The following ALKAL1 variants were observed in gnomAD, a reference collection of about 807,000 sequenced individuals.
ALKAL1 encodes AUG-beta.
In ALKAL1, 23 loss-of-function variants were observed where a neutral mutation model predicts 13.5. That is an observed-to-expected ratio of 1.70 (90% CI 1.23 to 2.41). The LOEUF (loss-of-function observed/expected upper bound fraction) is 2.41, where lower values mean the gene tolerates loss of function less well. Ranked by LOEUF, ALKAL1 falls within the 30% of genes most tolerant of loss-of-function variation. The pLI is 0.00. For missense variants in ALKAL1, 181 were observed against 178.4 expected, an observed-to-expected ratio of 1.01 and a Z score of -0.08; for synonymous variants, 85 against 77.7, an observed-to-expected ratio of 1.09 and a Z score of -0.49.
chr8:52,559,837 A>G (rs1046887477), intron 1 of ALKAL1, among the ~76,000 whole-genome samples: 5 of 152,182 alleles, frequency 3.3e-5, no homozygotes, highest in African/African-American at 1.2e-4. Flanking sequence ...TTTTAATTCT[A>G]TATGTCCACA....
At chr8:52,545,735 A>G (rs1847362840) in intron 1 of ALKAL1, among the ~76,000 whole-genome samples, 1 of 152,252 alleles carries the variant, frequency 6.6e-6, no homozygotes, top group Admixed American at 6.5e-5. Flanking sequence ...TTGACAAAAT[A>G]AACTTTCTAA....
intron 1 of ALKAL1, among the ~76,000 whole-genome samples, chr8:52,555,631 A>G (rs1341627567): frequency 2.0e-5 from 3 of 152,118 alleles, no homozygotes; most frequent in East Asian, 1.9e-4. Context: ...CTGGGCCAAC[A>G]TTCCTCTGCC....
At chr8:52,538,911 T>TTATC in intron 3 of ALKAL1, among the ~76,000 whole-genome samples, 1 of 151,464 alleles carries the variant, frequency 6.6e-6, no homozygotes, top group Non-Finnish European at 1.5e-5. Context: ...ATTTATTTAC[T>TTATC]TATTTATTTA....
intron 1 of ALKAL1, among the ~76,000 whole-genome samples, chr8:52,551,326 G>T (rs577484504): frequency 1.3e-5 from 2 of 152,146 alleles, no homozygotes; most frequent in Admixed American, 1.3e-4. Context: ...ACAGAGTCTT[G>T]CCCTGTCACC....
intron 1 of ALKAL1, among the ~76,000 whole-genome samples, chr8:52,563,698 T>C (rs1847572425): frequency 6.6e-6 from 1 of 152,210 alleles, no homozygotes; most frequent in African/African-American, 2.4e-5. Flanking sequence ...ATGGCCGTGC[T>C]GCGGACACTG....
At chr8:52,550,726 C>A (rs527574980) in intron 1 of ALKAL1, among the ~76,000 whole-genome samples, 2 of 152,140 alleles carry the variant, frequency 1.3e-5, no homozygotes. Flanking sequence ...CCTTGGCATT[C>A]TTTGGCTTGT....
At chr8:52,561,935 G>A (rs562816040) in intron 1 of ALKAL1, among the ~76,000 whole-genome samples, 1 of 152,266 alleles carries the variant, frequency 6.6e-6, no homozygotes, top group African/African-American at 2.4e-5. Context: ...CCCTTACACT[G>A]CTGCCTCCCA....
chr8:52,546,313 T>C (rs1459669025), intron 1 of ALKAL1, among the ~76,000 whole-genome samples: 1 of 152,216 alleles, frequency 6.6e-6, no homozygotes, highest in African/African-American at 2.4e-5. Context: ...GGCTGCTTTT[T>C]CACTACAAGG....
intron 1 of ALKAL1, among the ~76,000 whole-genome samples, chr8:52,554,729 C>T (rs900344625): frequency 6.6e-6 from 1 of 152,064 alleles, no homozygotes; most frequent in African/African-American, 2.4e-5. Context: ...TACACAAACA[C>T]TTAAAGGCTG....
rs76153292 is a variant in ALKAL1, at chr8:52,547,014, G to A, written c.191-4569C>T. ...TTAAAATGGTGGGAGGCGCCAGGGA[G>A]CAGAATTCTGGGGTGGAGAGAAGAG... On this transcript the variant is annotated intron_variant, in intron 1 of 4. Transcript: ENST00000358543. Among the ~76,000 whole-genome samples, 843 of 152,308 alleles carry A rather than the reference G, an allele frequency of 5.5e-3. 7 individuals carry two copies. The highest frequency in any genetic ancestry group is 0.019 in the African/African-American group (809 of 41,568).
At chr8:52,560,668 A>G (rs1292552656) in intron 1 of ALKAL1, among the ~76,000 whole-genome samples, 5 of 152,226 alleles carry the variant, frequency 3.3e-5, no homozygotes, top group Non-Finnish European at 7.3e-5. Flanking sequence ...TTCCTCACTT[A>G]GCAGCTCGAT....
chr8:52,565,077 G>C lies in ALKAL1; in HGVS notation c.180C>G (p.Ser60=). 7.1e-7 allele frequency: 1 copy of C among 1,402,708 alleles called. No homozygotes were observed. Among genetic ancestry groups the C allele is most frequent in the Non-Finnish European group, 9.3e-7 (1 of 1,075,968 alleles). 86.9% of individuals were successfully genotyped at this position (1,402,708 alleles called of 1,614,324 possible). Residue 60 remains serine (S), a synonymous_variant, in exon 1 of 5, where the codon TCC becomes TCG. Coordinates refer to ENST00000358543, the MANE Select transcript of ALKAL1 (RefSeq NM_207413.4). ...AAGAGRTPSG[S]RSAEIFPRDS... ...ATGGGGACATCGTACCTGCGCTCCGGGAGCCGCTGGGAGTCCGGCCGGCCC... is the reference window on the plus strand; with the variant it reads ...ATGGGGACATCGTACCTGCGCTCCGCGAGCCGCTGGGAGTCCGGCCGGCCC...
chr8:52,538,732 A>G (rs1340559061), intron 3 of ALKAL1, among the ~76,000 whole-genome samples: 2 of 152,164 alleles, frequency 1.3e-5, no homozygotes, highest in Non-Finnish European at 2.9e-5. Context: ...TCAAAATGTT[A>G]ATTAATTACC....
chr8:52,563,234 C>T (rs980092891), intron 1 of ALKAL1, among the ~76,000 whole-genome samples: 1 of 152,128 alleles, frequency 6.6e-6, no homozygotes, highest in Non-Finnish European at 1.5e-5. Context: ...CCTAGCGCAA[C>T]ATGGTGAAAT....
At chr8:52,546,026 C>T (rs1394757895) in intron 1 of ALKAL1, among the ~76,000 whole-genome samples, 1 of 152,226 alleles carries the variant, frequency 6.6e-6, no homozygotes, top group Admixed American at 6.5e-5. Context: ...GTAGCTGTAA[C>T]ACCATGGTGA....
intron 1 of ALKAL1, among the ~76,000 whole-genome samples, chr8:52,544,967 G>T (rs1298949744): frequency 1.3e-5 from 2 of 152,104 alleles, no homozygotes. Flanking sequence ...CCAGGCTGGG[G>T]TGCAATGGTG....
rs112198119 is a variant in ALKAL1 at position 52,554,941 on chromosome 8, G to A, written c.190+10126C>T. ...AATCCCAGCACTTTGGGAGGCTGAG[G>A]CGGGCGGATCACGAGGTCAGGAGAT... On this transcript the variant is annotated intron_variant, in intron 1 of 4. Coordinates refer to ENST00000358543, the MANE Select transcript of ALKAL1 (RefSeq NM_207413.4). Among the ~76,000 whole-genome samples, 1,094 of 152,280 alleles carry A rather than the reference G, an allele frequency of 7.2e-3. 14 individuals are homozygous for A. Among genetic ancestry groups the A allele is most frequent in the African/African-American group, 0.024 (991 of 41,546 alleles).
chr8:52,563,297 G>A (rs1177468084), intron 1 of ALKAL1, among the ~76,000 whole-genome samples: 1 of 152,144 alleles, frequency 6.6e-6, no homozygotes, highest in Non-Finnish European at 1.5e-5. Flanking sequence ...GCCGGGCGTG[G>A]TGGTGCGCCT....
intron 1 of ALKAL1, among the ~76,000 whole-genome samples, chr8:52,558,341 C>T: frequency 8.9e-6 from 1 of 111,864 alleles, no homozygotes; most frequent in Non-Finnish European, 1.7e-5. Context: ...GAGTCAGACT[C>T]CATCTCAAAA....
Sources: allele counts gnomAD v4.1 joint callset (sites outside exome capture counted in the v4.1 genomes callset), GRCh38; gene constraint gnomAD v4.1.1; transcripts MANE v1.5; gene names NCBI Gene and HGNC (gene_info 2026-07-23, HGNC 2026-07-21).